ADK: variants seen among roughly 807,000 people sequenced by gnomAD.
The protein encoded by ADK is adenosine kinase.
A neutral mutation model predicts 44.7 loss-of-function variants in ADK; 24 were observed. That is an observed-to-expected ratio of 0.54 (90% CI 0.39 to 0.76). The LOEUF (loss-of-function observed/expected upper bound fraction) is 0.76. ADK is among the 30% of genes least tolerant of loss of function. The pLI is 0.00. For missense variants in ADK, 321 were observed against 425.1 expected (o/e 0.76, Z 2.15); for synonymous variants, 128 against 142.6 (o/e 0.90, Z 0.73).
chr10:74,562,230 C>A (rs1850488539), intron 7 of ADK, among the ~76,000 whole-genome samples: 1 of 152,146 alleles, frequency 6.6e-6, no homozygotes, highest in African/African-American at 2.4e-5. Flanking sequence ...TCATGACCCA[C>A]TGCCTAACAC....
chr10:74,609,817 C>T (rs1399544359), intron 9 of ADK, among the ~76,000 whole-genome samples: 1 of 152,178 alleles, frequency 6.6e-6, no homozygotes, highest in African/African-American at 2.4e-5. Flanking sequence ...ATATGATATA[C>T]ATAAACTACT....
At chr10:74,340,910 T>C (rs1255333241) in intron 4 of ADK, among the ~76,000 whole-genome samples, 1 of 152,210 alleles carries the variant, frequency 6.6e-6, no homozygotes, top group Non-Finnish European at 1.5e-5. Flanking sequence ...ATTGGAACAT[T>C]GGAACATTGT....
intron 4 of ADK, among the ~76,000 whole-genome samples, chr10:74,341,572 C>A (rs555339123): frequency 6.7e-6 from 1 of 150,194 alleles, no homozygotes; most frequent in Non-Finnish European, 1.5e-5. Context: ...TAACTTACTT[C>A]TTGCTGTCTG....
chr10:74,685,225 C>A (rs552419916), intron 10 of ADK, among the ~76,000 whole-genome samples: 1 of 152,232 alleles, frequency 6.6e-6, no homozygotes, highest in South Asian at 2.1e-4. Context: ...ATAAGTTTGA[C>A]CATTATATTT....
intron 4 of ADK, among the ~76,000 whole-genome samples, chr10:74,353,727 G>A (rs1842044149): frequency 6.6e-6 from 1 of 152,066 alleles, no homozygotes; most frequent in Admixed American, 6.6e-5. Context: ...AATTAGCCAG[G>A]CGTGGTGGCG....
chr10:74,354,655 A>T (rs1403011671), intron 4 of ADK, among the ~76,000 whole-genome samples: 1 of 152,162 alleles, frequency 6.6e-6, no homozygotes, highest in African/African-American at 2.4e-5. Flanking sequence ...GTGGGAACTC[A>T]TGATGTGAAG....
intron 3 of ADK, among the ~76,000 whole-genome samples, chr10:74,260,626 A>G (rs1355375971): frequency 1.3e-5 from 2 of 151,912 alleles, no homozygotes; most frequent in African/African-American, 2.4e-5. Flanking sequence ...CACCACTTCT[A>G]CCTTTTCTCC....
chr10:74,253,535 A>C (rs1845723356), intron 3 of ADK, among the ~76,000 whole-genome samples: 1 of 152,112 alleles, frequency 6.6e-6, no homozygotes, highest in Admixed American at 6.5e-5. Flanking sequence ...CTCCTAACTC[A>C]GTAGGGGCAA....
chr10:74,531,418 A>G (rs1361064371), intron 7 of ADK, among the ~76,000 whole-genome samples: 1 of 152,200 alleles, frequency 6.6e-6, no homozygotes, highest in Non-Finnish European at 1.5e-5. Flanking sequence ...ATCATACTCA[A>G]GAAGAAATAG....
chr10:74,691,087 G>C (rs191318006), intron 10 of ADK, among the ~76,000 whole-genome samples: 45 of 152,312 alleles, frequency 3.0e-4, no homozygotes, highest in Non-Finnish European at 5.6e-4. Context: ...CCTTTAAGTT[G>C]ACTGCCTCGT....
chr10:74,391,652 T>TACACACACACAC lies in ADK; in HGVS notation c.274-2455_274-2444dup, dbSNP rs71475280. Among the ~76,000 whole-genome samples the TACACACACACAC allele has an allele frequency of 9.8e-3, 727 of 74,240 alleles. 11 individuals carry two copies. Among genetic ancestry groups the TACACACACACAC allele is most frequent in the Middle Eastern group, 0.023 (3 of 132 alleles). The allele number at this position is 74,240 out of a possible 152,430, so 48.7% of individuals were successfully genotyped here. On this transcript the variant is annotated intron_variant, in intron 4 of 10. Transcript: ENST00000539909. ...AATTCAGGAGTTCGAGGCAAGAATA[T>TACACACACACAC]ACACACACACACACACACACACACA... is the stretch of plus-strand genomic sequence containing the variant.
At chr10:74,216,374 C>T (rs1003661631) in intron 2 of ADK, among the ~76,000 whole-genome samples, 1 of 151,518 alleles carries the variant, frequency 6.6e-6, no homozygotes, top group Non-Finnish European at 1.5e-5. Context: ...TTTTTTTCTC[C>T]TTCTCTGCCT....
intron 6 of ADK, among the ~76,000 whole-genome samples, chr10:74,415,159 C>T (rs960060662): frequency 3.3e-5 from 5 of 152,130 alleles, no homozygotes; most frequent in Non-Finnish European, 5.9e-5. Context: ...TGCTAATTGC[C>T]TCAGAATGGT....
chr10:74,577,150 G>GTGTGTGTA (rs796256860), intron 7 of ADK, among the ~76,000 whole-genome samples: 291 of 149,072 alleles, frequency 2.0e-3, no homozygotes, highest in African/African-American at 6.6e-3. Context: ...GTGTGTGTGT[G>GTGTGTGTA]TGTAGTCTAA....
chr10:74,382,266 T>G (rs1842995720), intron 4 of ADK, among the ~76,000 whole-genome samples: 1 of 152,110 alleles, frequency 6.6e-6, no homozygotes, highest in African/African-American at 2.4e-5. Flanking sequence ...GCCTGGCTAA[T>G]TTTTGTATTT....
chr10:74,600,592 A>G (rs1332075418), intron 9 of ADK, 99 bp downstream of exon 9: 4 of 356,054 alleles, frequency 1.1e-5, no homozygotes, highest in Admixed American at 4.6e-5. Flanking sequence ...TACAATATAC[A>G]TATACAATAT....
At chr10:74,658,496 A>G (rs1315684724) in intron 9 of ADK, among the ~76,000 whole-genome samples, 8 of 152,142 alleles carry the variant, frequency 5.3e-5, no homozygotes, top group East Asian at 3.9e-4. Flanking sequence ...CAGTGGTGCT[A>G]TCATGGCTCA....
At chr10:74,376,349 T>C (rs1274501752) in intron 4 of ADK, among the ~76,000 whole-genome samples, 3 of 152,138 alleles carry the variant, frequency 2.0e-5, no homozygotes, top group Non-Finnish European at 4.4e-5. Context: ...TGTTTTCTTA[T>C]CATATATCAA....
chr10:74,599,364 G>A (rs751863324), intron 8 of ADK, among the ~76,000 whole-genome samples: 7 of 152,244 alleles, frequency 4.6e-5, no homozygotes, highest in Non-Finnish European at 8.8e-5. Flanking sequence ...CGTTTGTAAC[G>A]ATTGCAAACC....
Sources: allele counts gnomAD v4.1 joint callset (sites outside exome capture counted in the v4.1 genomes callset), GRCh38; gene constraint gnomAD v4.1.1; transcripts MANE v1.5; gene names NCBI Gene and HGNC (gene_info 2026-07-23, HGNC 2026-07-21).